The following CYP7B1 variants were observed in gnomAD, a reference collection of about 807,000 sequenced individuals.
CYP7B1 encodes the protein cytochrome P450 7B1.
Under a neutral mutation model 42.7 loss-of-function variants are expected in CYP7B1, and 29 were observed. The observed-to-expected ratio is 0.68, with a 90% CI of 0.51 to 0.93. The LOEUF is 0.93. Among genes scored for constraint, CYP7B1 ranks in the 40% least tolerant of loss-of-function variants. The probability of loss-of-function intolerance (pLI) is 0.00; values close to 1 mark genes in which losing one functional copy is unlikely to be tolerated. For synonymous variants in CYP7B1, 235 were observed against 218.2 expected (o/e 1.08, Z -0.68); for missense variants, 655 against 600.5 (o/e 1.09, Z -0.95).
At chr8:64,663,377 G>T (rs1806227910) in intron 1 of CYP7B1, among the ~76,000 whole-genome samples, 1 of 152,162 alleles carries the variant, frequency 6.6e-6, no homozygotes, top group Admixed American at 6.5e-5. Flanking sequence ...TTTAAAAAAT[G>T]GTTGTATGAA....
Position 64,791,735 on chromosome 8 carries a change from T to C in CYP7B1, c.122+6731A>G, listed in dbSNP as rs144229297. ...CTAAATTAGTGGTAATTTGTTATAG[T>C]AACATTAGAAAACTAATATAGATTT... is the stretch of plus-strand genomic sequence containing the variant. On this transcript the variant is annotated intron_variant, in intron 1 of 5. Transcript: ENST00000310193. Among the ~76,000 whole-genome samples, 125 of 152,354 alleles carry C rather than the reference T, an allele frequency of 8.2e-4. 1 individual carries two copies. In the East Asian group the frequency reaches 0.021, roughly 26 times the overall value.
At chr8:64,657,372 A>C (rs571990591) in intron 1 of CYP7B1, among the ~76,000 whole-genome samples, 1 of 152,304 alleles carries the variant, frequency 6.6e-6, no homozygotes, top group Non-Finnish European at 1.5e-5. Context: ...GGAGTCTAAA[A>C]ATAAAAAGCC....
At chr8:64,750,654 G>A (rs1357042808) in intron 1 of CYP7B1, among the ~76,000 whole-genome samples, 3 of 152,152 alleles carry the variant, frequency 2.0e-5, no homozygotes, top group Non-Finnish European at 4.4e-5. Context: ...AGGGAACCAA[G>A]CTTTTCTGGA....
At chr8:64,736,213 T>A in intron 1 of CYP7B1, among the ~76,000 whole-genome samples, 1 of 152,168 alleles carries the variant, frequency 6.6e-6, no homozygotes, top group Middle Eastern at 3.2e-3. Flanking sequence ...AAAACACCCA[T>A]ATAAATCCCA....
chr8:64,678,425 T>C (rs577122854), intron 1 of CYP7B1, among the ~76,000 whole-genome samples: 2 of 152,022 alleles, frequency 1.3e-5, no homozygotes, highest in East Asian at 3.9e-4. Flanking sequence ...CCTAGAAAAA[T>C]CATTGAAAGA....
chr8:64,739,510 T>C (rs1807538612), intron 1 of CYP7B1, among the ~76,000 whole-genome samples: 1 of 152,166 alleles, frequency 6.6e-6, no homozygotes, highest in Non-Finnish European at 1.5e-5. Context: ...ATAAATTCTC[T>C]AACTAAAATG....
At chr8:64,654,294 C>A (rs1185105054) in intron 1 of CYP7B1, among the ~76,000 whole-genome samples, 1 of 152,144 alleles carries the variant, frequency 6.6e-6, no homozygotes, top group Non-Finnish European at 1.5e-5. Context: ...CCCAAAAGCT[C>A]CTTCAGTTGA....
chr8:64,686,042 G>A (rs1806631945), intron 1 of CYP7B1, among the ~76,000 whole-genome samples: 2 of 125,118 alleles, frequency 1.6e-5, no homozygotes, highest in African/African-American at 6.3e-5. Context: ...CCCCGTCCGG[G>A]AGGGAGATGG....
In CYP7B1 at chr8:64,685,747, G is replaced by A. The variant is rs866105415; in HGVS notation, c.123-61208C>T. 3.2e-3 allele frequency among the ~76,000 whole-genome samples: 170 copies of A among 53,214 alleles called. 2 individuals are homozygous for A. Among genetic ancestry groups the A allele is most frequent in the African/African-American group, 5.3e-3 (90 of 17,024 alleles). The allele number at this position is 53,214 out of a possible 152,430, so 34.9% of individuals were successfully genotyped here. On this transcript the variant is annotated intron_variant, in intron 1 of 5. Transcript: ENST00000310193. ...TGGGAAGTGAGGAGCGTCTCCGCCC[G>A]GCAGCCACCCCATCCGGGAGGGAGG...
chr8:64,624,345 T>C, intron 2 of CYP7B1, 58 bp downstream of exon 2: 1 of 1,533,288 alleles, frequency 6.5e-7, no homozygotes, highest in South Asian at 1.2e-5. Context: ...CAGAAAGACA[T>C]TAAAGAACAA....
intron 1 of CYP7B1, among the ~76,000 whole-genome samples, chr8:64,741,852 T>C (rs1268664366): frequency 1.1e-4 from 17 of 152,170 alleles, no homozygotes; most frequent in Admixed American, 8.5e-4. Context: ...AAATTAAAGA[T>C]ATAAATATAT....
intron 1 of CYP7B1, among the ~76,000 whole-genome samples, chr8:64,773,655 A>T (rs905447786): frequency 2.0e-5 from 3 of 152,222 alleles, no homozygotes; most frequent in Admixed American, 6.5e-5. Flanking sequence ...CTATAACAGA[A>T]TACCACAGAC....
chr8:64,651,984 A>G (rs1187790689), intron 1 of CYP7B1, among the ~76,000 whole-genome samples: 1 of 152,228 alleles, frequency 6.6e-6, no homozygotes, highest in Non-Finnish European at 1.5e-5. Flanking sequence ...CTTTAGAAAC[A>G]TTCAAGCTCA....
At chr8:64,601,913 G>T (rs1362899345) in intron 5 of CYP7B1, among the ~76,000 whole-genome samples, 1 of 152,142 alleles carries the variant, frequency 6.6e-6, no homozygotes, top group East Asian at 1.9e-4. Context: ...TAATAGTATT[G>T]CTATATTTAT....
At chr8:64,768,885 C>G (rs959398022) in intron 1 of CYP7B1, among the ~76,000 whole-genome samples, 1 of 152,182 alleles carries the variant, frequency 6.6e-6, no homozygotes, top group African/African-American at 2.4e-5. Flanking sequence ...TTGAGTGGCT[C>G]TAACTTCCTG....
chr8:64,590,187 T>A (rs546152915), downstream of CYP7B1, among the ~76,000 whole-genome samples: 1 of 152,352 alleles, frequency 6.6e-6, no homozygotes, highest in South Asian at 2.1e-4. Flanking sequence ...AATAATGAGC[T>A]GACTAGTTCA....
intron 1 of CYP7B1, among the ~76,000 whole-genome samples, chr8:64,748,632 A>G (rs1306812434): frequency 1.3e-5 from 2 of 152,054 alleles, no homozygotes; most frequent in Non-Finnish European, 2.9e-5. Context: ...TTCCCCTACC[A>G]TCCAGTGAAA....
intron 1 of CYP7B1, among the ~76,000 whole-genome samples, chr8:64,649,243 C>T (rs1193405086): frequency 6.6e-6 from 1 of 152,130 alleles, no homozygotes; most frequent in Non-Finnish European, 1.5e-5. Context: ...TGGCAACTAC[C>T]TTTTTACCTT....
At chr8:64,663,832 G>A (rs919180296) in intron 1 of CYP7B1, among the ~76,000 whole-genome samples, 6 of 152,168 alleles carry the variant, frequency 3.9e-5, no homozygotes, top group African/African-American at 9.7e-5. Context: ...AACACCACGC[G>A]TCTCTCTTGC....
Sources: gnomAD v4.1 joint callset for allele counts (sites outside exome capture counted in the v4.1 genomes callset) on GRCh38, gnomAD v4.1.1 for gene constraint, MANE v1.5 for transcripts, NCBI Gene and HGNC (gene_info 2026-07-23, HGNC 2026-07-21) for gene names.